Variants in PAPPA observed in about 807,000 individuals in gnomAD.
PAPPA encodes pappalysin 1, also known as pappalysin-1.
PAPPA carries 60 observed loss-of-function variants against 164.0 expected under a neutral mutation model. That is an observed-to-expected ratio of 0.37 (90% confidence interval 0.30 to 0.45). The LOEUF is 0.45. PAPPA is among the 20% of genes least tolerant of loss of function. The probability of loss-of-function intolerance (pLI) is 1.00; values close to 1 mark genes in which losing one functional copy is unlikely to be tolerated. For synonymous variants in PAPPA, 875 were observed against 814.1 expected (o/e 1.07, Z -1.27); for missense variants, 1,782 against 2,087.3 (o/e 0.85, Z 2.85).
chr9:116,263,440 G>A (rs1469804232), intron 7 of PAPPA, among the ~76,000 whole-genome samples: 2 of 152,078 alleles, frequency 1.3e-5, no homozygotes, highest in East Asian at 1.9e-4. Flanking sequence ...GCATCTTCAC[G>A]GGTTTGCCTC....
At chr9:116,180,110 T>A (rs1843885683) in intron 1 of PAPPA, among the ~76,000 whole-genome samples, 1 of 152,152 alleles carries the variant, frequency 6.6e-6, no homozygotes, top group Non-Finnish European at 1.5e-5. Flanking sequence ...AAGGCTGGGA[T>A]ACCTGTAATC....
In PAPPA at chr9:116,219,949, C is replaced by T. The variant is rs554473080; in HGVS notation, c.1931C>T (p.Thr644Met). Residue 644 changes from threonine to methionine, a missense_variant, in exon 5 of 22, where the codon ACG becomes ATG. Physicochemically the swap from Thr to Met is moderately conservative, Grantham distance 81 (BLOSUM62 -1). Around this residue, in one of 2 missense-constraint regions of PAPPA, gnomAD observed 1,324 missense variants for 1,656.9 expected, o/e 0.80. Coordinates refer to ENST00000328252, the MANE Select transcript of PAPPA (RefSeq NM_002581.5). ...NFMSYADDDC[T>M]DSFTPNQVAR... ...TGCCTGCTTGCAGATGACGACTGTA[C>T]GGACTCCTTCACGCCCAATCAAGTC... is the stretch of plus-strand genomic sequence containing the variant. 568 of 1,612,272 alleles carry T rather than the reference C, an allele frequency of 3.5e-4. 5 individuals carry two copies. In the South Asian group the frequency reaches 5.5e-3, roughly 16 times the overall value.
chr9:116,342,868 G>C (rs1367564802), intron 13 of PAPPA, among the ~76,000 whole-genome samples: 2 of 152,182 alleles, frequency 1.3e-5, no homozygotes, highest in Non-Finnish European at 2.9e-5. Context: ...AGCTTTTACT[G>C]TTAGGCAGAA....
chr9:116,363,195 T>G (rs1846452262), intron 18 of PAPPA, among the ~76,000 whole-genome samples: 1 of 152,196 alleles, frequency 6.6e-6, no homozygotes, highest in African/African-American at 2.4e-5. Context: ...TAAACATTCA[T>G]GAGTACCTGA....
chr9:116,321,269 C>T (rs1249815461), intron 10 of PAPPA, among the ~76,000 whole-genome samples: 9 of 152,080 alleles, frequency 5.9e-5, no homozygotes, highest in Middle Eastern at 3.4e-3. Context: ...CCTCGTGATC[C>T]GCCCGCCTCA....
chr9:116,330,042 T>C (rs774612291), intron 10 of PAPPA, among the ~76,000 whole-genome samples: 1 of 152,232 alleles, frequency 6.6e-6, no homozygotes. Context: ...TAGGTGTTTA[T>C]GTTTGTTTGA....
intron 5 of PAPPA, among the ~76,000 whole-genome samples, chr9:116,226,960 A>G (rs865927050): frequency 6.6e-5 from 10 of 152,222 alleles, no homozygotes; most frequent in African/African-American, 2.4e-4. Context: ...TTATTTTCAG[A>G]AGAAGGAACC....
At chr9:116,250,211 C>A (rs77835791) in intron 7 of PAPPA, among the ~76,000 whole-genome samples, 41 of 152,278 alleles carry the variant, frequency 2.7e-4, no homozygotes, top group African/African-American at 8.4e-4. Flanking sequence ...GCTTTGTTTT[C>A]TACCCAGGAT....
At chr9:116,214,304 G>T (rs540006046) in intron 4 of PAPPA, among the ~76,000 whole-genome samples, 1 of 152,250 alleles carries the variant, frequency 6.6e-6, no homozygotes, top group African/African-American at 2.4e-5. Flanking sequence ...CGTGTGACAT[G>T]CCGGACACTG....
chr9:116,271,342 G>C lies in PAPPA; in HGVS notation c.2879G>C (p.Cys960Ser). The C allele has an allele frequency of 1.2e-6, 2 of 1,613,916 alleles. No individual in the cohort carries two copies. The highest frequency in any genetic ancestry group is 1.7e-6 in the Non-Finnish European group (2 of 1,179,782). The change falls in exon 9 of 22, where the codon TGC becomes TCC. Residue 960 changes from cysteine (C) to serine (S), a missense_variant. Around this residue, in one of 2 missense-constraint regions of PAPPA, gnomAD observed 1,324 missense variants for 1,656.9 expected, o/e 0.80. Coordinates refer to ENST00000328252, the MANE Select transcript of PAPPA (RefSeq NM_002581.5). The surrounding 1 kb of genome is among the most constrained non-coding windows in gnomAD (Gnocchi z 4.2). ...CTCTGCAGAGACCAAGGTGAACAAT[G>C]CGACGACATGAATAAGATCAATGGT... ...GIIQKDQGEQCDDMNKINGDG... is the reference protein window; with the variant it reads ...GIIQKDQGEQSDDMNKINGDG...
At chr9:116,361,467 T>G (rs1355659780) in intron 17 of PAPPA, among the ~76,000 whole-genome samples, 1 of 152,226 alleles carries the variant, frequency 6.6e-6, no homozygotes, top group African/African-American at 2.4e-5. Context: ...AGTCATAGAA[T>G]TAGAACCACA....
At chr9:116,230,439 A>G (rs1247136450) in intron 6 of PAPPA, among the ~76,000 whole-genome samples, 1 of 152,130 alleles carries the variant, frequency 6.6e-6, no homozygotes. Flanking sequence ...GGAAAGGAGG[A>G]GGATTGGACC....
chr9:116,258,179 G>A (rs966279105), intron 7 of PAPPA, among the ~76,000 whole-genome samples: 1 of 152,002 alleles, frequency 6.6e-6, no homozygotes, highest in Non-Finnish European at 1.5e-5. Context: ...TACATTCAAT[G>A]AAATTGGAAT....
chr9:116,283,092 C>T lies in PAPPA; in HGVS notation c.2953+11676C>T, dbSNP rs1369185377. The stretch of plus-strand genomic sequence containing the variant: ...ATGCACACGGTTGCTTTTCTCTCTC[C>T]TCCAGGCAGCAGCCATGGTGGTCCT... On this transcript the variant is annotated intron_variant, in intron 9 of 21. Transcript: ENST00000328252. 2.6e-5 allele frequency among the ~76,000 whole-genome samples: 4 copies of T among 152,202 alleles called. No individual in the cohort carries two copies. In the East Asian group the frequency reaches 5.8e-4, roughly 22 times the overall value.
chr9:116,290,395 A>T (rs1031828111), intron 9 of PAPPA, among the ~76,000 whole-genome samples: 2 of 151,180 alleles, frequency 1.3e-5, no homozygotes, highest in African/African-American at 4.9e-5. Context: ...TCCCCTCTTA[A>T]CTGAATAACT....
intron 7 of PAPPA, among the ~76,000 whole-genome samples, chr9:116,256,930 G>GC (rs1554744440): frequency 6.7e-6 from 1 of 148,822 alleles, no homozygotes; most frequent in Non-Finnish European, 1.5e-5. Flanking sequence ...ATTTTTTAAA[G>GC]TTTTTTTTTT....
At chr9:116,388,140 C>A (rs1846840911) in intron 21 of PAPPA, among the ~76,000 whole-genome samples, 1 of 152,170 alleles carries the variant, frequency 6.6e-6, no homozygotes, top group Admixed American at 6.5e-5. Context: ...CTGGGCCCGG[C>A]TGGCAGACAA....
At chr9:116,305,172 C>CACAA (rs1247582501) in intron 10 of PAPPA, among the ~76,000 whole-genome samples, 2 of 150,096 alleles carry the variant, frequency 1.3e-5, no homozygotes, top group Non-Finnish European at 3.0e-5. Flanking sequence ...CACACACACA[C>CACAA]ACACGGAGTC....
chr9:116,337,532 G>A (rs1733016666), intron 13 of PAPPA, among the ~76,000 whole-genome samples: 2 of 152,054 alleles, frequency 1.3e-5, no homozygotes, highest in South Asian at 4.2e-4. Context: ...ATTTCAACTG[G>A]TTGTAGGAGA....
Sources: gnomAD v4.1 joint callset for allele counts (sites outside exome capture counted in the v4.1 genomes callset) on GRCh38, gnomAD v4.1.1 for gene constraint, gnomAD v4.1.1 regional missense constraint, Gnocchi (gnomAD v3.1) non-coding constraint, MANE v1.5 for transcripts, NCBI Gene and HGNC (gene_info 2026-07-23, HGNC 2026-07-21) for gene names.